COL5A3: variants seen among roughly 807,000 people sequenced by gnomAD.
The protein encoded by COL5A3 is collagen alpha-3(V) chain.
COL5A3 carries 172 observed loss-of-function variants against 250.0 expected under a neutral mutation model. That is an observed-to-expected ratio of 0.69 (90% confidence interval 0.61 to 0.78). The LOEUF (loss-of-function observed/expected upper bound fraction) is 0.78. COL5A3 is among the 30% of genes least tolerant of loss of function. COL5A3 has a pLI of 0.00. For missense variants in COL5A3, 2,340 were observed against 2,334.4 expected (o/e 1.00, Z -0.05); for synonymous variants, 937 against 900.4 (o/e 1.04, Z -0.73).
At chr19:9,974,028 C>G in intron 47 of COL5A3, 56 bp from the exon 48 acceptor site, 1 of 1,517,878 alleles carries the variant, frequency 6.6e-7, no homozygotes, top group Non-Finnish European at 8.9e-7. Context: ...CCCAAAAGGC[C>G]ACATTGACCA....
At chr19:9,993,595 G>A in intron 18 of COL5A3, 24 bp downstream of exon 18, 1 of 1,612,882 alleles carries the variant, frequency 6.2e-7, no homozygotes, top group Non-Finnish European at 8.5e-7. Context: ...GCTTAGACTT[G>A]GGGGAGGGAC....
intron 44 of COL5A3, among the ~76,000 whole-genome samples, chr19:9,976,846 G>T (rs111596853): frequency 0.051 from 7,695 of 152,086 alleles, 638 homozygotes; most frequent in African/African-American, 0.17. Context: ...CAGGGACGAA[G>T]CTGGCTCAAT....
Position 9,968,458 on chromosome 19 carries a change from G to A in COL5A3, c.4241C>T (p.Pro1414Leu), listed in dbSNP as rs199706331. Residue 1414 changes from proline to leucine, a missense_variant, in exon 59 of 67, where the codon CCG (proline) becomes CTG (leucine). Pro to Leu is a moderately conservative substitution (Grantham distance 98). Coordinates refer to ENST00000264828, the MANE Select transcript of COL5A3 (RefSeq NM_015719.4). This position sits in a 1 kb window ranked among gnomAD's most constrained non-coding sequence, Gnocchi z 4.1. ...ATCTCCTTTCTCACCAGCTTCTCCC[G>A]GGGGGCCAATGAGACCGATCAATCC... ...HIGLIGLIGP[P>L]GEAGEKGDQG... 275 of 1,585,948 alleles carry A rather than the reference G, an allele frequency of 1.7e-4. 10 individuals are homozygous for A. Among genetic ancestry groups the A allele is most frequent in the Middle Eastern group, 1.7e-4 (1 of 5,962 alleles).
At chr19:9,998,758 C>A (rs1160701639) in intron 8 of COL5A3, among the ~76,000 whole-genome samples, 1 of 151,468 alleles carries the variant, frequency 6.6e-6, no homozygotes, top group Non-Finnish European at 1.5e-5. Context: ...GATCTCAGCT[C>A]ACTGCACCTT....
intron 64 of COL5A3, among the ~76,000 whole-genome samples, chr19:9,966,010 C>A (rs573953569): frequency 1.0e-3 from 154 of 151,020 alleles, no homozygotes; most frequent in Admixed American, 1.6e-3. Flanking sequence ...TTTTTTAATT[C>A]TTGTAGAAAT....
At chr19:9,997,881 A>G in intron 10 of COL5A3, 103 bp downstream of exon 10, 1 of 1,273,250 alleles carries the variant, frequency 7.9e-7, no homozygotes, top group Non-Finnish European at 1.1e-6. Context: ...ACTACCCTCC[A>G]CTTGGCCAGG....
chr19:9,970,387 T>TAA (rs2086821691), intron 54 of COL5A3, among the ~76,000 whole-genome samples: 1 of 43,862 alleles, frequency 2.3e-5, no homozygotes, highest in Non-Finnish European at 4.1e-5. Flanking sequence ...GCGGGGGCTG[T>TAA]GGGGTGAGTG....
At chr19:9,978,771 C>T (rs775844236) in intron 40 of COL5A3, 120 bp downstream of exon 40, 7 of 931,316 alleles carry the variant, frequency 7.5e-6, no homozygotes, top group Non-Finnish European at 1.1e-5. Flanking sequence ...CAGTTCCCTC[C>T]ACCATTTTTT....
chr19:9,967,481 ACTCACACACACACTCACACACACACAGT>A, intron 61 of COL5A3, 81 bp from the exon 62 acceptor site: 2 of 851,184 alleles, frequency 2.3e-6, no homozygotes, highest in Non-Finnish European at 3.5e-6. Flanking sequence ...ACACACACAC[ACTCACACACACACTCACACACACACAGT>A]CTCACACACT....
intron 27 of COL5A3, among the ~76,000 whole-genome samples, 170 bp from the exon 28 acceptor site, chr19:9,986,928 A>G (rs1405368358): frequency 6.6e-6 from 1 of 151,952 alleles, no homozygotes; most frequent in Non-Finnish European, 1.5e-5. Context: ...CTCCCTCCCC[A>G]CTGGAGGCCT....
At chr19:9,963,561 T>TTGGGGG (rs1555733032) in intron 64 of COL5A3, among the ~76,000 whole-genome samples, 2 of 40,120 alleles carry the variant, frequency 5.0e-5, no homozygotes, top group African/African-American at 8.0e-5. Flanking sequence ...CTGTTTTTTT[T>TTGGGGG]GGGGGGGGGG....
chr19:9,965,194 G>A (rs1325064497), intron 64 of COL5A3, among the ~76,000 whole-genome samples: 2 of 131,720 alleles, frequency 1.5e-5, no homozygotes, highest in South Asian at 2.3e-4. Context: ...TCGCTCTGTC[G>A]CCCAGGCTGA....
intron 45 of COL5A3, among the ~76,000 whole-genome samples, chr19:9,976,011 G>A (rs898862896): frequency 4.0e-5 from 6 of 150,334 alleles, no homozygotes; most frequent in South Asian, 2.1e-4. Flanking sequence ...ATTGGGTGTC[G>A]GTATTGAGGG....
At chr19:10,006,661 C>G (rs1330656903) in intron 1 of COL5A3, among the ~76,000 whole-genome samples, 2 of 145,342 alleles carry the variant, frequency 1.4e-5, no homozygotes, top group Non-Finnish European at 3.1e-5. Flanking sequence ...GTGTTTTCTT[C>G]CCCCACCTCC....
chr19:9,964,744 G>T (rs1022367550), intron 64 of COL5A3, among the ~76,000 whole-genome samples: 3 of 151,580 alleles, frequency 2.0e-5, no homozygotes, highest in African/African-American at 7.3e-5. Flanking sequence ...TTCCCTGCAG[G>T]CCAGGTGCGG....
intron 65 of COL5A3, among the ~76,000 whole-genome samples, chr19:9,962,337 A>G (rs914387349): frequency 2.6e-5 from 4 of 151,942 alleles, no homozygotes; most frequent in Non-Finnish European, 4.4e-5. Context: ...TGAACTCCTG[A>G]CCTCAGGTGA....
intron 61 of COL5A3, 62 bp from the exon 62 acceptor site, chr19:9,967,462 CACACAA>C: frequency 9.6e-7 from 1 of 1,044,308 alleles, no homozygotes. Context: ...CACCAACATA[CACACAA>C]ACACACACAC....
In COL5A3 at chr19:9,969,344, C is replaced by T. The variant is rs762579845; in HGVS notation, c.4152+5G>A. ...CAGAACCTCAAGGATGAACAAGTCT[C>T]TTACCAGGGGGCCAGGAGGGCCCAT... On this transcript the variant is annotated splice_donor_5th_base_variant and intron_variant, in intron 57 of 66. Transcript: ENST00000264828. The T allele has an allele frequency of 1.9e-6, 3 of 1,592,488 alleles. No individual in the cohort carries two copies. The highest frequency in any genetic ancestry group is 1.9e-5 in the Admixed American group (1 of 54,012).
At position 9,977,217 on chromosome 19, in the gene COL5A3, A is replaced by G; in HGVS notation, c.3288+12T>C. 6.5e-7 allele frequency: 1 copy of G among 1,544,316 alleles called. No individual in the cohort carries two copies. The highest frequency in any genetic ancestry group is 8.9e-7 in the Non-Finnish European group (1 of 1,117,782). On this transcript the variant is annotated intron_variant, in intron 44 of 66. Coordinates refer to ENST00000264828, the MANE Select transcript of COL5A3 (RefSeq NM_015719.4). The stretch of plus-strand genomic sequence containing the variant: ...CCCACCCCACCCTGCCCCACTGGGG[A>G]CCTTCACTCACCGCGTCTCCTTTAT...
Sources: allele counts gnomAD v4.1 joint callset (sites outside exome capture counted in the v4.1 genomes callset), GRCh38; gene constraint gnomAD v4.1.1; non-coding constraint Gnocchi (gnomAD v3.1); transcripts MANE v1.5; gene names NCBI Gene and HGNC (gene_info 2026-07-23, HGNC 2026-07-21).